ZNF506: variants seen among roughly 807,000 people sequenced by gnomAD.
ZNF506 encodes zinc finger protein 506.
Under a neutral mutation model 11.6 loss-of-function variants are expected in ZNF506, and 10 were observed. That is an observed-to-expected ratio of 0.86 (90% CI 0.53 to 1.46). ZNF506 has a LOEUF of 1.46. Ranked by LOEUF, ZNF506 falls within the 40% of genes most tolerant of loss-of-function variation. The pLI, the probability that ZNF506 is intolerant of heterozygous loss-of-function variation, is 0.00. For missense variants in ZNF506, 425 were observed against 521.2 expected (o/e 0.82, Z 1.80); for synonymous variants, 156 against 173.3 (o/e 0.90, Z 0.78).
At chr19:19,806,297 C>T in intron 2 of ZNF506, 171 bp from the exon 3 acceptor site, 1 of 323,726 alleles carries the variant, frequency 3.1e-6, no homozygotes, top group Non-Finnish European at 5.3e-6. Context: ...ACTCTTGTTG[C>T]CCAGGCTGGA....
At chr19:19,800,391 A>AATATATATATAT (rs3062863) in intron 3 of ZNF506, among the ~76,000 whole-genome samples, 16 of 139,240 alleles carry the variant, frequency 1.1e-4, no homozygotes, top group African/African-American at 3.7e-4. Flanking sequence ...AACTAAACAG[A>AATATATATATAT]ATATATATAT....
chr19:19,809,259 G>A (rs1419381650), intron 1 of ZNF506, among the ~76,000 whole-genome samples: 1 of 152,172 alleles, frequency 6.6e-6, no homozygotes. Context: ...AGAATAAAGA[G>A]AAGGCTCTGA....
At position 19,808,108 on chromosome 19, in the gene ZNF506, C is replaced by CTTTTTTTTTTTT. The variant is rs757160026; in HGVS notation, c.4-1052_4-1041dup. 2.6e-3 allele frequency among the ~76,000 whole-genome samples: 145 copies of CTTTTTTTTTTTT among 56,772 alleles called. 39 individuals are homozygous for CTTTTTTTTTTTT. The highest frequency in any genetic ancestry group is 6.6e-3 in the African/African-American group (85 of 12,970). The allele number at this position is 56,772 out of a possible 152,430, so 37.2% of individuals were successfully genotyped here. A position where few individuals can be genotyped will look rare whatever the true frequency, so the allele number is the denominator to read the frequency against. ...ACTTAACCAAGTGAATCATTAACCA[C>CTTTTTTTTTTTT]TTTTTTTTTTTTTTTTTTTTTTTTT... On this transcript the variant is annotated intron_variant, in intron 1 of 3. Transcript: ENST00000540806.
chr19:19,819,837 G>A (rs997510385), intron 1 of ZNF506, among the ~76,000 whole-genome samples: 29 of 152,184 alleles, frequency 1.9e-4, no homozygotes, highest in Non-Finnish European at 2.2e-4. Flanking sequence ...AGTGGCTCAC[G>A]CCTGTAATCC....
rs746518327 is a variant in ZNF506 at position 19,795,440 on chromosome 19, T to C, written c.447A>G (p.Glu149=). The C allele has an allele frequency of 6.3e-7, 1 of 1,596,180 alleles. No homozygotes were observed. Among genetic ancestry groups the C allele is most frequent in the Admixed American group, 1.8e-5 (1 of 55,872 alleles). The change falls in exon 4 of 4, where the codon GAA becomes GAG. Residue 149 remains glutamate, a synonymous_variant. Coordinates refer to ENST00000540806, the MANE Select transcript of ZNF506 (RefSeq NM_001099269.3). ...AAAATTTATGCAAGAATTTCACATA[T>C]TCATCACATTGAAATATTTTTCTCT... ...TTQRKIFQCD[E]YVKFLHKFSN...
intron 3 of ZNF506, among the ~76,000 whole-genome samples, chr19:19,800,995 T>C (rs944498367): frequency 1.3e-5 from 2 of 150,942 alleles, no homozygotes; most frequent in African/African-American, 4.9e-5. Context: ...ACCCCGTCTC[T>C]ACTAAAAATA....
chr19:19,810,592 G>C (rs2145197106), intron 1 of ZNF506, among the ~76,000 whole-genome samples: 1 of 152,216 alleles, frequency 6.6e-6, no homozygotes, highest in Non-Finnish European at 1.5e-5. Context: ...GCTAAATATA[G>C]ACAGATGGAA....
chr19:19,808,389 C>T lies in ZNF506; in HGVS notation c.4-1321G>A, dbSNP rs531510590. ...CCGCCCGCCTCGGCCTCCCAAAGTGCTGGGATTACAGGCGTGAGCCACTCT... is the reference window on the plus strand; with the variant it reads ...CCGCCCGCCTCGGCCTCCCAAAGTGTTGGGATTACAGGCGTGAGCCACTCT... On this transcript the variant is annotated intron_variant, in intron 1 of 3. Coordinates refer to ENST00000540806, the MANE Select transcript of ZNF506 (RefSeq NM_001099269.3). Among the ~76,000 whole-genome samples the T allele has an allele frequency of 1.2e-4, 18 of 150,900 alleles. No homozygotes were observed. In the East Asian group the frequency reaches 3.6e-3, roughly 30 times the overall value.
In ZNF506 at chr19:19,795,519, C is replaced by T; in HGVS notation, c.368G>A (p.Cys123Tyr). 6.3e-7 allele frequency: 1 copy of T among 1,599,390 alleles called. No homozygotes were observed. Among genetic ancestry groups the T allele is most frequent in the Non-Finnish European group, 8.5e-7 (1 of 1,175,088 alleles). The change falls in exon 4 of 4, where the codon TGT (cysteine) becomes TAT (tyrosine). Residue 123 changes from cysteine to tyrosine, a missense_variant. Physicochemically the swap from Cys to Tyr is radical, Grantham distance 194. Around this residue, in one of 3 missense-constraint regions of ZNF506, gnomAD observed 226 missense variants for 279.1 expected, o/e 0.81. Coordinates refer to ENST00000540806, the MANE Select transcript of ZNF506 (RefSeq NM_001099269.3). ...ATTATAACCTCTTTTGTGCACTGGA[C>T]ACTCATCTACACTTTCACAGCCTTT... ...LKKGCESVDECPVHKRGYNGL... is the reference protein window; with the variant it reads ...LKKGCESVDEYPVHKRGYNGL...
intron 1 of ZNF506, among the ~76,000 whole-genome samples, chr19:19,810,414 ATG>A (rs1208770927): frequency 6.6e-6 from 1 of 152,244 alleles, no homozygotes; most frequent in Non-Finnish European, 1.5e-5. Context: ...AGCAGGTACT[ATG>A]TGCTCAAGAG....
At chr19:19,817,215 A>G (rs1356140919) in intron 1 of ZNF506, among the ~76,000 whole-genome samples, 1 of 152,122 alleles carries the variant, frequency 6.6e-6, no homozygotes, top group African/African-American at 2.4e-5. Flanking sequence ...CCTCCTAAGA[A>G]CATGCTGATT....
In ZNF506 at chr19:19,794,475, A is replaced by AT; in HGVS notation, c.*76dup. 1 of 1,375,000 alleles carries AT rather than the reference A, an allele frequency of 7.3e-7. No homozygotes were observed. The highest frequency in any genetic ancestry group is 9.9e-7 in the Non-Finnish European group (1 of 1,007,792). 85.2% of individuals were successfully genotyped at this position (1,375,000 alleles called of 1,614,324 possible). On this transcript the variant is annotated 3_prime_UTR_variant, in exon 4 of 4. Transcript: ENST00000540806. ...GGGTTTATGTTCCATATAAATTCTC[A>AT]TATTTAGTCAGAGTCCAGGGCTAGT... is the stretch of plus-strand genomic sequence containing the variant.
At chr19:19,812,335 A>G (rs1030190751) in intron 1 of ZNF506, among the ~76,000 whole-genome samples, 13 of 152,252 alleles carry the variant, frequency 8.5e-5, no homozygotes, top group African/African-American at 3.1e-4. Context: ...GGAGAGACTC[A>G]GGCTGATTCT....
chr19:19,813,356 G>C (rs1469705237), intron 1 of ZNF506, among the ~76,000 whole-genome samples: 4 of 152,040 alleles, frequency 2.6e-5, no homozygotes, highest in African/African-American at 9.6e-5. Context: ...TTTAAAAATT[G>C]CAACTATATT....
At chr19:19,818,856 C>T (rs1008573115) in intron 1 of ZNF506, among the ~76,000 whole-genome samples, 8 of 152,080 alleles carry the variant, frequency 5.3e-5, no homozygotes, top group Non-Finnish European at 1.2e-4. Context: ...GGCGCAGTGG[C>T]GGGCACCTAT....
chr19:19,814,817 G>A (rs1401310772), intron 1 of ZNF506, among the ~76,000 whole-genome samples: 2 of 152,184 alleles, frequency 1.3e-5, no homozygotes, highest in Non-Finnish European at 2.9e-5. Context: ...TGTGCATGCA[G>A]GCAGGTGAGA....
intron 1 of ZNF506, among the ~76,000 whole-genome samples, chr19:19,810,722 T>C (rs2062876884): frequency 6.6e-6 from 1 of 152,208 alleles, no homozygotes. Context: ...AGTTGCTAAT[T>C]AGAATGTTTC....
chr19:19,809,368 GAAGTA>G (rs1204543808), intron 1 of ZNF506, among the ~76,000 whole-genome samples: 2 of 152,162 alleles, frequency 1.3e-5, no homozygotes, highest in African/African-American at 2.4e-5. Flanking sequence ...CACAAGTAGA[GAAGTA>G]AAGTTTTGTA....
chr19:19,814,513 G>A (rs914916420), intron 1 of ZNF506, among the ~76,000 whole-genome samples: 1 of 151,740 alleles, frequency 6.6e-6, no homozygotes, highest in African/African-American at 2.4e-5. Flanking sequence ...AACACAAAGA[G>A]GAGAACAAAA....
Sources: gnomAD v4.1 joint callset for allele counts (sites outside exome capture counted in the v4.1 genomes callset) on GRCh38, gnomAD v4.1.1 for gene constraint, gnomAD v4.1.1 regional missense constraint, MANE v1.5 for transcripts, NCBI Gene and HGNC (gene_info 2026-07-23, HGNC 2026-07-21) for gene names.